Variants in NF1 observed in about 807,000 individuals in gnomAD.
NF1 encodes neurofibromin.
A neutral mutation model predicts 325.7 loss-of-function variants in NF1; 122 were observed. That is an observed-to-expected ratio of 0.37 (90% CI 0.32 to 0.44). The LOEUF is 0.44. NF1 is among the 20% of genes least tolerant of loss of function. The pLI, the probability that NF1 is intolerant of heterozygous loss-of-function variation, is 1.00. For missense variants in NF1, 2,140 were observed against 3,415.4 expected (o/e 0.63, Z 9.31); for synonymous variants, 1,091 against 1,186.0 (o/e 0.92, Z 1.65).
Position 31,292,268 on chromosome 17 carries a change from A to T in NF1, c.4835+26929A>T, listed in dbSNP as rs565491970. On this transcript the variant is annotated intron_variant, in intron 36 of 57. Transcript: ENST00000358273. ...TATATCTGTACACATATGCATACAT[A>T]TTTGATGTGCTTGAGAGATAGATGC... is the stretch of plus-strand genomic sequence containing the variant. Among the ~76,000 whole-genome samples, 32 of 152,328 alleles carry T rather than the reference A, an allele frequency of 2.1e-4. No homozygotes were observed. The South Asian group carries it at 6.6e-3, about 32-fold the overall frequency.
chr17:31,158,967 A>C, intron 2 of NF1, 43 bp from the exon 3 acceptor site: 4 of 1,211,634 alleles, frequency 3.3e-6, no homozygotes, highest in Non-Finnish European at 4.9e-6. Context: ...TTGGTAGCAG[A>C]AAGTGAAACT....
At chr17:31,310,935 A>G (rs2068856226) in intron 36 of NF1, among the ~76,000 whole-genome samples, 1 of 148,672 alleles carries the variant, frequency 6.7e-6, no homozygotes, top group African/African-American at 2.5e-5. Context: ...TGTATAAGAC[A>G]TGTTCTTTTT....
At chr17:31,206,205 A>G (rs1329868420) in intron 11 of NF1, 35 bp from the exon 12 acceptor site, 1 of 1,612,350 alleles carries the variant, frequency 6.2e-7, no homozygotes, top group Non-Finnish European at 8.5e-7. Context: ...GTAATTTTGT[A>G]CTTTTTCTTC....
intron 1 of NF1, among the ~76,000 whole-genome samples, chr17:31,142,241 C>T (rs1425967552): frequency 6.6e-6 from 1 of 152,162 alleles, no homozygotes; most frequent in Non-Finnish European, 1.5e-5. Flanking sequence ...TATATTTCTT[C>T]ATGCAGTTTA....
chr17:31,208,481 C>G (rs975029656), intron 12 of NF1, among the ~76,000 whole-genome samples: 2 of 152,204 alleles, frequency 1.3e-5, no homozygotes, highest in Non-Finnish European at 2.9e-5. Context: ...ACCTTCTACT[C>G]TTTGCCAGGC....
intron 1 of NF1, among the ~76,000 whole-genome samples, chr17:31,138,759 T>G (rs1358423626): frequency 6.7e-6 from 1 of 149,736 alleles, no homozygotes; most frequent in Non-Finnish European, 1.5e-5. Context: ...TTTTTTTGTA[T>G]TTTTAGTAGA....
At chr17:31,119,914 G>A (rs1372121846) in intron 1 of NF1, among the ~76,000 whole-genome samples, 1 of 152,098 alleles carries the variant, frequency 6.6e-6, no homozygotes, top group Non-Finnish European at 1.5e-5. Flanking sequence ...AAGATCAGAT[G>A]GTTATAGATG....
intron 36 of NF1, chr17:31,272,912 C>A (rs570058610): frequency 1.3e-5 from 2 of 152,232 alleles, no homozygotes; most frequent in South Asian, 4.1e-4. Context: ...GCTTCCCTTT[C>A]TTTGTTGTCA....
chr17:31,170,319 T>C (rs2065909759), intron 5 of NF1, among the ~76,000 whole-genome samples: 1 of 152,228 alleles, frequency 6.6e-6, no homozygotes, highest in Admixed American at 6.5e-5. Context: ...CTATAGGTTA[T>C]AGAAGCTATC....
At chr17:31,184,666 A>AAAAAAAAAAAAAAAAAAAAT (rs1567828025) in intron 8 of NF1, among the ~76,000 whole-genome samples, 8 of 140,586 alleles carry the variant, frequency 5.7e-5, no homozygotes, top group South Asian at 2.2e-4. Context: ...AAAATAAAAA[A>AAAAAAAAAAAAAAAAAAAAT]AAAAAATAAA....
intron 31 of NF1, among the ~76,000 whole-genome samples, chr17:31,254,599 A>G (rs539375994): frequency 1.3e-5 from 2 of 152,276 alleles, no homozygotes; most frequent in African/African-American, 2.4e-5. Flanking sequence ...TCAGTGTTAT[A>G]CTAATGCCAT....
intron 55 of NF1, 38 bp downstream of exon 55, chr17:31,358,660 T>C (rs2070330602): frequency 6.2e-7 from 1 of 1,612,272 alleles, no homozygotes; most frequent in Non-Finnish European, 8.5e-7. Context: ...GTTGATGAAC[T>C]TGCTAACATG....
chr17:31,124,592 ATTTTTTTTTTTTTTT>A (rs35335433), intron 1 of NF1, among the ~76,000 whole-genome samples: 1 of 62,918 alleles, frequency 1.6e-5, no homozygotes, highest in Admixed American at 2.4e-4. Context: ...GTATTCTTGA[ATTTTTTTTTTTTTTT>A]TTTTTTTTTG....
chr17:31,187,196 T>C (rs965273905), intron 8 of NF1, among the ~76,000 whole-genome samples: 1 of 152,118 alleles, frequency 6.6e-6, no homozygotes, highest in African/African-American at 2.4e-5. Flanking sequence ...TGGAATTCAC[T>C]GTTTTTGTTT....
chr17:31,113,683 C>T (rs1387073548), intron 1 of NF1, among the ~76,000 whole-genome samples: 3 of 152,236 alleles, frequency 2.0e-5, no homozygotes, highest in Non-Finnish European at 4.4e-5. Flanking sequence ...ACACTCACCA[C>T]GATGCCTGGC....
intron 36 of NF1, among the ~76,000 whole-genome samples, chr17:31,312,156 G>A (rs543836368): frequency 6.6e-6 from 1 of 152,106 alleles, no homozygotes; most frequent in East Asian, 1.9e-4. Context: ...AATTATGTGG[G>A]AATTAGCTGG....
At chr17:31,191,894 C>G (rs924253605) in intron 8 of NF1, among the ~76,000 whole-genome samples, 1 of 152,050 alleles carries the variant, frequency 6.6e-6, no homozygotes, top group African/African-American at 2.4e-5. Context: ...TGTTTCTTTG[C>G]CATTTGCATG....
At chr17:31,320,400 T>G in intron 36 of NF1, 1 of 1,610,282 alleles carries the variant, frequency 6.2e-7, no homozygotes, top group Non-Finnish European at 8.5e-7. Flanking sequence ...GGCCTGAAAG[T>G]CTTTGTTTCC....
At chr17:31,228,134 T>C (rs2067047873) in intron 20 of NF1, among the ~76,000 whole-genome samples, 1 of 152,254 alleles carries the variant, frequency 6.6e-6, no homozygotes. Context: ...GGCAGTAGAT[T>C]GATCCCATAG....
Sources: allele counts gnomAD v4.1 joint callset (sites outside exome capture counted in the v4.1 genomes callset), GRCh38; gene constraint gnomAD v4.1.1; transcripts MANE v1.5; gene names NCBI Gene and HGNC (gene_info 2026-07-23, HGNC 2026-07-21).